The following SPMIP4 variants were observed in gnomAD, a reference collection of about 807,000 sequenced individuals.
SPMIP4 encodes the protein sperm-associated microtubule inner protein 4.
the SPMIP4 span, chr7:25,142,665 G>A: frequency 1.2e-6 from 2 of 1,613,040 alleles, no homozygotes. Context: ...TGTACGAAGT[G>A]AGCCAGTGGG....
the SPMIP4 span, among the ~76,000 whole-genome samples, chr7:25,171,610 C>T: frequency 2.0e-5 from 3 of 152,094 alleles, no homozygotes; most frequent in African/African-American, 4.8e-5. Flanking sequence ...AAACAACTAG[C>T]TTTTTGACAA....
chr7:25,139,403 CA>C, the SPMIP4 span, among the ~76,000 whole-genome samples: 3 of 150,478 alleles, frequency 2.0e-5, no homozygotes, highest in African/African-American at 5.0e-5. Flanking sequence ...GTTAATTATA[CA>C]TTTTTTTTTT....
chr7:25,166,555 C>T, the SPMIP4 span, among the ~76,000 whole-genome samples: 5 of 151,482 alleles, frequency 3.3e-5, no homozygotes, highest in African/African-American at 4.9e-5. Context: ...CCACTGCACT[C>T]GAGCCTGGGC....
chr7:25,174,418 C>T, the SPMIP4 span, among the ~76,000 whole-genome samples: 1 of 152,188 alleles, frequency 6.6e-6, no homozygotes, highest in African/African-American at 2.4e-5. This position sits in a 1 kb window ranked among gnomAD's most constrained non-coding sequence, Gnocchi z 4.5. Flanking sequence ...GAAAAGGACA[C>T]ATTCCCTATA....
chr7:25,136,908 G>GATGCT, the SPMIP4 span: 1 of 999,954 alleles, frequency 1.0e-6, no homozygotes, highest in African/African-American at 1.6e-5. This position sits in a 1 kb window ranked among gnomAD's most constrained non-coding sequence, Gnocchi z 5.7. Flanking sequence ...GCATAGGAGT[G>GATGCT]TACATTGCAA....
chr7:25,179,443 C>T, the SPMIP4 span: 1 of 847,014 alleles, frequency 1.2e-6, no homozygotes, highest in South Asian at 2.3e-5. Flanking sequence ...CACAGGCTTC[C>T]CTCTGCACTG....
At chr7:25,176,152 C>T in the SPMIP4 span, among the ~76,000 whole-genome samples, 5 of 152,204 alleles carry the variant, frequency 3.3e-5, no homozygotes, top group Non-Finnish European at 7.3e-5. This position sits in a 1 kb window ranked among gnomAD's most constrained non-coding sequence, Gnocchi z 4.4. Context: ...AAACGTGCTT[C>T]TCTTAAATTT....
At chr7:25,148,534 G>A in the SPMIP4 span, among the ~76,000 whole-genome samples, 4 of 148,062 alleles carry the variant, frequency 2.7e-5, no homozygotes, top group Non-Finnish European at 4.4e-5. Context: ...GAGTGCAGTG[G>A]TGCCACCTCG....
At chr7:25,153,671 AAAAG>A in the SPMIP4 span, among the ~76,000 whole-genome samples, 1 of 152,252 alleles carries the variant, frequency 6.6e-6, no homozygotes, top group East Asian at 1.9e-4. Context: ...AGGATTGAGA[AAAAG>A]AAATCTACTT....
chr7:25,164,350 C>G, the SPMIP4 span, among the ~76,000 whole-genome samples: 4 of 152,116 alleles, frequency 2.6e-5, no homozygotes, highest in African/African-American at 7.2e-5. Context: ...ATGACTGATC[C>G]TGAATATCAA....
the SPMIP4 span, among the ~76,000 whole-genome samples, chr7:25,169,379 C>T: frequency 6.6e-6 from 1 of 151,918 alleles, no homozygotes; most frequent in Non-Finnish European, 1.5e-5. Flanking sequence ...ATCCCCTATA[C>T]TCCCCACCCT....
the SPMIP4 span, among the ~76,000 whole-genome samples, chr7:25,130,087 A>T: frequency 6.6e-6 from 1 of 151,582 alleles, no homozygotes; most frequent in South Asian, 2.1e-4. Context: ...AAAATACAAA[A>T]AATTAGCCCA....
At chr7:25,152,552 A>G in the SPMIP4 span, among the ~76,000 whole-genome samples, 655 of 152,316 alleles carry the variant, frequency 4.3e-3, 9 homozygotes, top group African/African-American at 0.015. Context: ...TGAATAAAGA[A>G]ATTGAAGCGG....
chr7:25,133,292 G>A, the SPMIP4 span, among the ~76,000 whole-genome samples: 4 of 152,192 alleles, frequency 2.6e-5, no homozygotes, highest in Admixed American at 1.3e-4. Flanking sequence ...GCAACATCCA[G>A]TCTCTAGATG....
At chr7:25,132,478 A>G in the SPMIP4 span, among the ~76,000 whole-genome samples, 2 of 152,142 alleles carry the variant, frequency 1.3e-5, no homozygotes, top group Non-Finnish European at 2.9e-5. This position sits in a 1 kb window ranked among gnomAD's most constrained non-coding sequence, Gnocchi z 5.0. Flanking sequence ...TACATTTGTT[A>G]AAAGTAAAAG....
chr7:25,154,989 C>G, the SPMIP4 span: 100 of 1,594,340 alleles, frequency 6.3e-5, no homozygotes, highest in Non-Finnish European at 8.4e-5. Flanking sequence ...TAATACAGTT[C>G]TGATTCCAGG....
At chr7:25,175,290 G>A in the SPMIP4 span, among the ~76,000 whole-genome samples, 1,308 of 152,116 alleles carry the variant, frequency 8.6e-3, 9 homozygotes, top group Middle Eastern at 0.031. Context: ...AAAGAGTCTC[G>A]CTCTGTTGCC....
At chr7:25,163,341 G>A in the SPMIP4 span, among the ~76,000 whole-genome samples, 1 of 152,124 alleles carries the variant, frequency 6.6e-6, no homozygotes, top group South Asian at 2.1e-4. The surrounding 1 kb of genome is among the most constrained non-coding windows in gnomAD (Gnocchi z 4.4). Flanking sequence ...CCATATGTCT[G>A]TAAATGTAGA....
At chr7:25,139,119 C>T in the SPMIP4 span, among the ~76,000 whole-genome samples, 1 of 151,908 alleles carries the variant, frequency 6.6e-6, no homozygotes, top group African/African-American at 2.4e-5. Flanking sequence ...TGAATGTACA[C>T]TTAAGATTTG....
Sources: gnomAD v4.1 joint callset for allele counts (sites outside exome capture counted in the v4.1 genomes callset) on GRCh38, gnomAD v4.1.1 for gene constraint, Gnocchi (gnomAD v3.1) non-coding constraint, MANE v1.5 for transcripts, NCBI Gene and HGNC (gene_info 2026-07-23, HGNC 2026-07-21) for gene names.